TUNAR: variants seen among roughly 807,000 people sequenced by gnomAD.
TUNAR encodes protein TUNAR.
chr14:95,890,531 G>C (rs1889162717), intron 2 of TUNAR, among the ~76,000 whole-genome samples: 1 of 152,140 alleles, frequency 6.6e-6, no homozygotes, highest in African/African-American at 2.4e-5. Context: ...AGGGAAAGCT[G>C]TCCCTCGAGG....
intron 2 of TUNAR, among the ~76,000 whole-genome samples, chr14:95,889,827 G>A (rs12888779): frequency 0.054 from 8,175 of 152,156 alleles, 330 homozygotes; most frequent in East Asian, 0.13. Context: ...TGGCTCCTGC[G>A]TCTGACACCC....
intron 2 of TUNAR, among the ~76,000 whole-genome samples, chr14:95,898,302 A>G (rs1889295922): frequency 6.6e-6 from 1 of 152,210 alleles, no homozygotes; most frequent in Non-Finnish European, 1.5e-5. Context: ...CCAGAAGATT[A>G]TAAGAATTCT....
chr14:95,900,913 G>T (rs1029199095), intron 2 of TUNAR, among the ~76,000 whole-genome samples: 21 of 152,222 alleles, frequency 1.4e-4, no homozygotes, highest in African/African-American at 3.9e-4. Flanking sequence ...ATTTATGTGC[G>T]GTGAGACAGG....
At chr14:95,899,128 A>C (rs1184038584) in intron 2 of TUNAR, among the ~76,000 whole-genome samples, 1 of 152,194 alleles carries the variant, frequency 6.6e-6, no homozygotes, top group East Asian at 1.9e-4. Flanking sequence ...TCTCTTGGTA[A>C]CTGGGGCTGT....
chr14:95,903,114 C>T (rs919024774), intron 2 of TUNAR, among the ~76,000 whole-genome samples: 4 of 152,096 alleles, frequency 2.6e-5, no homozygotes, highest in Admixed American at 2.0e-4. Context: ...TAGAGTGGGG[C>T]CATTTAGAGC....
chr14:95,905,218 C>T (rs1255076455), intron 2 of TUNAR, among the ~76,000 whole-genome samples: 2 of 152,132 alleles, frequency 1.3e-5, no homozygotes, highest in African/African-American at 4.8e-5. Flanking sequence ...ATCAGCAAAC[C>T]CAGGAAGTTA....
At chr14:95,919,889 G>A (rs1242129701) in intron 2 of TUNAR, among the ~76,000 whole-genome samples, 1 of 152,152 alleles carries the variant, frequency 6.6e-6, no homozygotes, top group Non-Finnish European at 1.5e-5. Context: ...CAAATTTGCT[G>A]TATGTTAAAA....
intron 2 of TUNAR, among the ~76,000 whole-genome samples, chr14:95,893,175 G>A (rs1889209369): frequency 6.6e-6 from 1 of 152,140 alleles, no homozygotes; most frequent in African/African-American, 2.4e-5. Flanking sequence ...AAGGACTAGT[G>A]GAAACCCAAG....
At chr14:95,899,386 G>C (rs1298791811) in intron 2 of TUNAR, among the ~76,000 whole-genome samples, 1 of 152,194 alleles carries the variant, frequency 6.6e-6, no homozygotes, top group African/African-American at 2.4e-5. Context: ...GCTCTGAGAT[G>C]GGGACCACAG....
chr14:95,888,262 A>T (rs1019193305), intron 2 of TUNAR, among the ~76,000 whole-genome samples: 1 of 152,232 alleles, frequency 6.6e-6, no homozygotes, highest in Non-Finnish European at 1.5e-5. Flanking sequence ...ACCCTGTGCA[A>T]TAAGTCCTTT....
intron 2 of TUNAR, among the ~76,000 whole-genome samples, chr14:95,916,055 T>C (rs1412517077): frequency 6.6e-6 from 1 of 152,256 alleles, no homozygotes; most frequent in Non-Finnish European, 1.5e-5. Flanking sequence ...AGTATTGTTT[T>C]ATTGTTAATT....
At chr14:95,896,955 T>C (rs1889278619) in intron 2 of TUNAR, among the ~76,000 whole-genome samples, 1 of 152,234 alleles carries the variant, frequency 6.6e-6, no homozygotes, top group Non-Finnish European at 1.5e-5. Context: ...CTTTACAGTT[T>C]ATGCCATGAT....
chr14:95,889,901 A>G (rs1176537906), intron 2 of TUNAR, among the ~76,000 whole-genome samples: 1 of 150,222 alleles, frequency 6.7e-6, no homozygotes, highest in Non-Finnish European at 1.5e-5. Context: ...TTTACTGGTG[A>G]GCATTTCACG....
intron 2 of TUNAR, among the ~76,000 whole-genome samples, chr14:95,907,063 C>G (rs1889437095): frequency 6.6e-6 from 1 of 152,210 alleles, no homozygotes; most frequent in Non-Finnish European, 1.5e-5. Flanking sequence ...CATGCACTTT[C>G]ACACTTTGCT....
At chr14:95,925,005 G>A (rs1889763382) in exon 3 of TUNAR, 1 of 152,222 alleles carries the variant, frequency 6.6e-6, no homozygotes, top group Non-Finnish European at 1.5e-5. Context: ...ATGCCCCTGA[G>A]CAGCTGGCTC....
At chr14:95,883,633 T>G (rs1889017364) in intron 2 of TUNAR, among the ~76,000 whole-genome samples, 1 of 152,170 alleles carries the variant, frequency 6.6e-6, no homozygotes, top group African/African-American at 2.4e-5. Context: ...GTTGCATACT[T>G]GGAGGCACGC....
intron 2 of TUNAR, among the ~76,000 whole-genome samples, chr14:95,887,314 G>T (rs904177405): frequency 2.6e-5 from 4 of 152,178 alleles, no homozygotes; most frequent in Admixed American, 6.5e-5. Flanking sequence ...GTCACTCCTG[G>T]CCTGTTAGTG....
intron 2 of TUNAR, among the ~76,000 whole-genome samples, chr14:95,918,035 C>T (rs1595126578): frequency 6.6e-6 from 1 of 152,216 alleles, no homozygotes; most frequent in East Asian, 1.9e-4. Context: ...AATGTATAAC[C>T]TTTAGCAAGC....
At chr14:95,921,200 A>C (rs1889691652) in intron 2 of TUNAR, among the ~76,000 whole-genome samples, 1 of 152,186 alleles carries the variant, frequency 6.6e-6, no homozygotes, top group Non-Finnish European at 1.5e-5. Context: ...TTCAAATGTT[A>C]ATCTCATCCT....
Sources: allele counts gnomAD v4.1 joint callset (sites outside exome capture counted in the v4.1 genomes callset), GRCh38; gene constraint gnomAD v4.1.1; transcripts MANE v1.5; gene names NCBI Gene and HGNC (gene_info 2026-07-23, HGNC 2026-07-21).